The following PROCR variants were observed in gnomAD, a reference collection of about 807,000 sequenced individuals.
The protein encoded by PROCR is endothelial protein C receptor.
PROCR carries 22 observed loss-of-function variants against 24.2 expected under a neutral mutation model. The observed-to-expected ratio is 0.91, with a 90% CI of 0.65 to 1.30. PROCR has a LOEUF of 1.30. PROCR is among the 50% of genes most tolerant of loss of function. PROCR has a pLI of 0.00. For missense variants in PROCR, 288 were observed against 307.7 expected, an observed-to-expected ratio of 0.94 and a Z score of 0.48; for synonymous variants, 137 against 139.2, an observed-to-expected ratio of 0.98 and a Z score of 0.11.
chr20:35,186,244 A>G (rs1301847395), intron 1 of PROCR, among the ~76,000 whole-genome samples: 1 of 152,196 alleles, frequency 6.6e-6, no homozygotes, highest in Non-Finnish European at 1.5e-5. Context: ...TGAGGTACTG[A>G]CACATGTTAC....
In PROCR at chr20:35,176,441, C is replaced by A; in HGVS notation, c.596C>A (p.Thr199Lys). ...CAGAAACATATTTCCGCGGAAAACA[C>A]GAAAGGTATGATGGGACGGGGCCCA... ...YVQKHISAEN[T>K]KGSQTSRSYT... Residue 199 changes from threonine to lysine, a missense_variant, in exon 3 of 4, where the codon ACG becomes AAG. Physicochemically the swap from Thr to Lys is moderately conservative, Grantham distance 78 (BLOSUM62 -1). Coordinates refer to ENST00000216968, the MANE Select transcript of PROCR (RefSeq NM_006404.5). 1 of 1,613,810 alleles carries A rather than the reference C, an allele frequency of 6.2e-7. No homozygotes were observed. The highest frequency in any genetic ancestry group is 8.5e-7 in the Non-Finnish European group (1 of 1,179,888).
chr20:35,189,412 G>T (rs1215126962), intron 1 of PROCR, among the ~76,000 whole-genome samples: 1 of 152,092 alleles, frequency 6.6e-6, no homozygotes, highest in Non-Finnish European at 1.5e-5. Context: ...TAGTCAGACC[G>T]GTTCTCTGCT....
At chr20:35,181,389 C>G (rs943942040), downstream of PROCR, among the ~76,000 whole-genome samples, 1 of 151,960 alleles carries the variant, frequency 6.6e-6, no homozygotes, top group African/African-American at 2.4e-5. Flanking sequence ...ATTCTCCTAC[C>G]TCAGCCTCCC....
rs117159179 is a variant in PROCR at position 35,185,832 on chromosome 20, C to G, written c.94+9386C>G. ...CCACAAATCTCCACCAAACAACTTA[C>G]TCATGTAACCAAATGCCACCTGTAC... On this transcript the variant is annotated intron_variant, in intron 1 of 1. Transcript: ENST00000634509. 2.1e-4 allele frequency among the ~76,000 whole-genome samples: 32 copies of G among 152,148 alleles called. No individual in the cohort carries two copies. In the East Asian group the frequency reaches 6.0e-3, roughly 28 times the overall value.
intron 1 of PROCR, among the ~76,000 whole-genome samples, chr20:35,209,949 G>A (rs2146180749): frequency 6.6e-6 from 1 of 152,308 alleles, no homozygotes; most frequent in African/African-American, 2.4e-5. Context: ...AATGTGAGCT[G>A]GGCACAGCGG....
chr20:35,183,733 A>G (rs1600739858), intron 1 of PROCR, among the ~76,000 whole-genome samples: 1 of 152,218 alleles, frequency 6.6e-6, no homozygotes, highest in Non-Finnish European at 1.5e-5. Context: ...TTGGTGAGAT[A>G]TGACCATGCC....
chr20:35,198,054 G>T (rs978539025), intron 1 of PROCR, among the ~76,000 whole-genome samples: 12 of 152,022 alleles, frequency 7.9e-5, no homozygotes, highest in African/African-American at 2.2e-4. Context: ...GGAGGCCAAG[G>T]CAGGTGGATC....
chr20:35,210,259 A>G (rs914932830), intron 1 of PROCR, among the ~76,000 whole-genome samples: 1 of 152,098 alleles, frequency 6.6e-6, no homozygotes, highest in Non-Finnish European at 1.5e-5. Flanking sequence ...TTTAAAAAAC[A>G]TTAGGCCAAG....
intron 2 of PROCR, 74 bp from the exon 3 acceptor site, chr20:35,176,094 T>C: frequency 2.7e-6 from 4 of 1,508,168 alleles, no homozygotes; most frequent in Non-Finnish European, 2.8e-6. Flanking sequence ...CATGTTCTTT[T>C]CCCCTTGGTG....
chr20:35,181,121 G>A (rs1029464146), downstream of PROCR, among the ~76,000 whole-genome samples: 2 of 151,594 alleles, frequency 1.3e-5, no homozygotes, highest in African/African-American at 2.4e-5. Context: ...ACCCGCCTTG[G>A]CCTCACAAAG....
intron 1 of PROCR, among the ~76,000 whole-genome samples, chr20:35,183,001 G>T (rs78041112): frequency 9.8e-5 from 14 of 143,462 alleles, no homozygotes; most frequent in African/African-American, 3.4e-4. Flanking sequence ...AAAAAAAAAG[G>T]AAAGAAAGAA....
intron 1 of PROCR, among the ~76,000 whole-genome samples, chr20:35,213,292 C>T (rs2060368890): frequency 6.6e-6 from 1 of 151,926 alleles, no homozygotes; most frequent in Non-Finnish European, 1.5e-5. Flanking sequence ...AAGATCGTGC[C>T]ACTGCACTCC....
downstream of PROCR, among the ~76,000 whole-genome samples, chr20:35,181,177 A>G (rs1024225656): frequency 4.6e-5 from 7 of 151,478 alleles, no homozygotes; most frequent in Admixed American, 1.3e-4. Flanking sequence ...CTGTTTTTTA[A>G]ATTTCTCATT....
chr20:35,186,845 C>T (rs188510929), intron 1 of PROCR, among the ~76,000 whole-genome samples: 70 of 151,346 alleles, frequency 4.6e-4, no homozygotes, highest in South Asian at 3.3e-3. Context: ...CCCAGTTACT[C>T]GAGAGGCTAA....
chr20:35,191,663 G>A (rs2086174911), intron 1 of PROCR, among the ~76,000 whole-genome samples: 1 of 152,170 alleles, frequency 6.6e-6, no homozygotes, highest in South Asian at 2.1e-4. Context: ...GACCGAACAA[G>A]TGCAAAAGCT....
chr20:35,200,592 CATA>C (rs1378996012), intron 1 of PROCR, among the ~76,000 whole-genome samples: 1 of 152,144 alleles, frequency 6.6e-6, no homozygotes, highest in African/African-American at 2.4e-5. Flanking sequence ...TGTAATTAGA[CATA>C]ATGTTATTGC....
intron 1 of PROCR, among the ~76,000 whole-genome samples, chr20:35,210,347 C>G (rs747488815): frequency 2.6e-5 from 4 of 152,026 alleles, no homozygotes; most frequent in Non-Finnish European, 5.9e-5. Flanking sequence ...GAATTGAGGA[C>G]CAGCCTGGGC....
intron 1 of PROCR, 52 bp downstream of exon 1, chr20:35,172,276 C>G: frequency 6.3e-7 from 1 of 1,588,558 alleles, no homozygotes; most frequent in Non-Finnish European, 8.6e-7. Flanking sequence ...GAATCTCAGT[C>G]TATCTGGGCA....
intron 1 of PROCR, among the ~76,000 whole-genome samples, chr20:35,214,831 G>A (rs1207942419): frequency 6.6e-6 from 1 of 151,906 alleles, no homozygotes; most frequent in Admixed American, 6.6e-5. Context: ...TCGGGGGATT[G>A]GACTGGGACC....
Sources: gnomAD v4.1 joint callset for allele counts (sites outside exome capture counted in the v4.1 genomes callset) on GRCh38, gnomAD v4.1.1 for gene constraint, MANE v1.5 for transcripts, NCBI Gene and HGNC (gene_info 2026-07-23, HGNC 2026-07-21) for gene names.